MAP2K1: variants seen among roughly 807,000 people sequenced by gnomAD.
MAP2K1 encodes the protein mitogen-activated protein kinase kinase 1, also known as dual specificity mitogen-activated protein kinase kinase 1.
MAP2K1 carries 16 observed loss-of-function variants against 46.3 expected under a neutral mutation model. The ratio of observed to expected loss-of-function variants is 0.35; its 90% confidence interval spans 0.23 to 0.52. The LOEUF (loss-of-function observed/expected upper bound fraction) is 0.52, where lower values mean the gene tolerates loss of function less well. Among genes scored for constraint, MAP2K1 ranks in the 20% least tolerant of loss-of-function variants. The pLI is 0.94. For missense variants in MAP2K1, 263 were observed against 497.1 expected, an observed-to-expected ratio of 0.53 and a Z score of 4.48; for synonymous variants, 183 against 185.6, an observed-to-expected ratio of 0.99 and a Z score of 0.11.
intron 1 of MAP2K1, among the ~76,000 whole-genome samples, chr15:66,427,107 A>G (rs1196683635): frequency 6.6e-6 from 1 of 152,276 alleles, no homozygotes; most frequent in African/African-American, 2.4e-5. Context: ...CTAAAGGAGT[A>G]TATACAGCTA....
At chr15:66,463,301 C>T (rs866511825) in intron 5 of MAP2K1, among the ~76,000 whole-genome samples, 9 of 152,166 alleles carry the variant, frequency 5.9e-5, no homozygotes, top group Admixed American at 4.6e-4. Context: ...GAGTCAAACA[C>T]GAAGGGAACA....
chr15:66,466,623 T>C (rs1892475293), intron 5 of MAP2K1, among the ~76,000 whole-genome samples: 1 of 152,236 alleles, frequency 6.6e-6, no homozygotes, highest in South Asian at 2.1e-4. Flanking sequence ...GAGGTTGCAA[T>C]GAGCTGAGAT....
At chr15:66,444,525 C>G in intron 4 of MAP2K1, 131 bp from the exon 5 acceptor site, 1 of 722,610 alleles carries the variant, frequency 1.4e-6, no homozygotes, top group Non-Finnish European at 2.5e-6. Context: ...AAGAGTGAAA[C>G]TGCGTCTCAA....
At chr15:66,431,442 C>T (rs2093474841) in intron 1 of MAP2K1, among the ~76,000 whole-genome samples, 5 of 151,984 alleles carry the variant, frequency 3.3e-5, no homozygotes. Flanking sequence ...TTTCATCTTT[C>T]ATTCTCTGAA....
intron 5 of MAP2K1, among the ~76,000 whole-genome samples, chr15:66,445,119 C>T (rs947187967): frequency 2.0e-5 from 3 of 149,050 alleles, no homozygotes; most frequent in Non-Finnish European, 3.0e-5. Flanking sequence ...TGCCTATAAT[C>T]CCAGCACTTT....
At chr15:66,453,821 A>G (rs2140620895) in intron 5 of MAP2K1, among the ~76,000 whole-genome samples, 1 of 152,176 alleles carries the variant, frequency 6.6e-6, no homozygotes, top group South Asian at 2.1e-4. Context: ...TTTTTGAGAC[A>G]GGGTCTTGCT....
intron 5 of MAP2K1, among the ~76,000 whole-genome samples, chr15:66,463,607 C>G (rs554249969): frequency 6.6e-6 from 1 of 152,298 alleles, no homozygotes; most frequent in South Asian, 2.1e-4. Context: ...GTCAGCCTCC[C>G]GAGTAGCCGG....
chr15:66,457,821 G>A (rs187073460), intron 5 of MAP2K1, among the ~76,000 whole-genome samples: 5 of 152,092 alleles, frequency 3.3e-5, no homozygotes, highest in Admixed American at 2.0e-4. Flanking sequence ...AAATTAGCCA[G>A]GCATGGTAGC....
At chr15:66,452,056 A>G (rs1402658152) in intron 5 of MAP2K1, among the ~76,000 whole-genome samples, 1 of 79,886 alleles carries the variant, frequency 1.3e-5, no homozygotes, top group Non-Finnish European at 2.5e-5. Flanking sequence ...CAAACACCGC[A>G]TATTCTCACT....
intron 1 of MAP2K1, among the ~76,000 whole-genome samples, chr15:66,432,204 A>G (rs2093476570): frequency 6.6e-6 from 1 of 152,108 alleles, no homozygotes; most frequent in East Asian, 1.9e-4. Context: ...GTCCTCATCC[A>G]TACACACCTG....
At chr15:66,410,166 A>T (rs1566999028) in intron 1 of MAP2K1, among the ~76,000 whole-genome samples, 1 of 152,198 alleles carries the variant, frequency 6.6e-6, no homozygotes, top group Non-Finnish European at 1.5e-5. Flanking sequence ...CCTACTGCTT[A>T]ACCTTGTCTT....
chr15:66,487,012 G>C (rs1202101158), intron 7 of MAP2K1, among the ~76,000 whole-genome samples: 3 of 152,164 alleles, frequency 2.0e-5, no homozygotes, highest in Non-Finnish European at 4.4e-5. Flanking sequence ...GCAGTGAACT[G>C]ATTTGCCAAA....
intron 1 of MAP2K1, among the ~76,000 whole-genome samples, chr15:66,428,304 G>GTT (rs1360083449): frequency 6.7e-6 from 1 of 148,610 alleles, no homozygotes; most frequent in Non-Finnish European, 1.5e-5. Flanking sequence ...GTGTGTGTGT[G>GTT]TGTGTGTGTG....
chr15:66,430,626 C>G (rs2093472896), intron 1 of MAP2K1, among the ~76,000 whole-genome samples: 1 of 152,166 alleles, frequency 6.6e-6, no homozygotes, highest in African/African-American at 2.4e-5. Flanking sequence ...GACCTGCCAG[C>G]AGTGAACTGT....
chr15:66,434,862 G>T (rs1197230277), intron 1 of MAP2K1, among the ~76,000 whole-genome samples, 165 bp from the exon 2 acceptor site: 2 of 152,190 alleles, frequency 1.3e-5, no homozygotes, highest in Non-Finnish European at 2.9e-5. Flanking sequence ...CGGGTGGCTG[G>T]AGTGAAGTGG....
intron 1 of MAP2K1, among the ~76,000 whole-genome samples, chr15:66,406,900 T>A (rs1337069377): frequency 6.6e-6 from 1 of 151,946 alleles, no homozygotes; most frequent in Non-Finnish European, 1.5e-5. Context: ...GGCGTGGTGG[T>A]GCATGCCTAT....
At chr15:66,453,999 C>T (rs1387745567) in intron 5 of MAP2K1, among the ~76,000 whole-genome samples, 1 of 152,186 alleles carries the variant, frequency 6.6e-6, no homozygotes, top group Non-Finnish European at 1.5e-5. Flanking sequence ...TGTAACGAGG[C>T]TCCAAAACTT....
At position 66,461,872 on chromosome 15, in the gene MAP2K1, A is replaced by G. The variant is rs115206073; in HGVS notation, c.568+17165A>G. On this transcript the variant is annotated intron_variant, in intron 5 of 10. Transcript: ENST00000307102. ...GGTGATCCTGGCAGAGTTGTTTATT[A>G]TTTCTGAATCTCACCTTCTTTTAGA... Among the ~76,000 whole-genome samples, 425 of 152,190 alleles carry G rather than the reference A, an allele frequency of 2.8e-3. 2 individuals are homozygous for G. The highest frequency in any genetic ancestry group is 0.017 in the Middle Eastern group (5 of 294).
chr15:66,421,283 A>G (rs2093442864), intron 1 of MAP2K1, among the ~76,000 whole-genome samples: 1 of 151,754 alleles, frequency 6.6e-6, no homozygotes, highest in Admixed American at 6.6e-5. Flanking sequence ...CTACAGGTGC[A>G]TGCCACTACA....
Sources: gnomAD v4.1 joint callset for allele counts (sites outside exome capture counted in the v4.1 genomes callset) on GRCh38, gnomAD v4.1.1 for gene constraint, MANE v1.5 for transcripts, NCBI Gene and HGNC (gene_info 2026-07-23, HGNC 2026-07-21) for gene names.